CTNNA2: variants seen among roughly 807,000 people sequenced by gnomAD.
CTNNA2 encodes the protein catenin alpha-2.
A neutral mutation model predicts 101.0 loss-of-function variants in CTNNA2; 42 were observed. That is an observed-to-expected ratio of 0.42 (90% confidence interval 0.32 to 0.54). The LOEUF is 0.54. CTNNA2 is among the 20% of genes least tolerant of loss of function. The pLI is 0.14. For synonymous variants in CTNNA2, 450 were observed against 456.4 expected (o/e 0.99, Z 0.18); for missense variants, 871 against 1,223.1 (o/e 0.71, Z 4.29).
chr2:79,216,909 C>T (rs1392579148), intron 2 of CTNNA2, among the ~76,000 whole-genome samples: 5 of 152,102 alleles, frequency 3.3e-5, no homozygotes, highest in Admixed American at 6.5e-5. Flanking sequence ...ACCTCTGAAA[C>T]GTGGGTAAAT....
At chr2:79,463,144 G>T (rs147436192) in intron 4 of CTNNA2, among the ~76,000 whole-genome samples, 1 of 152,314 alleles carries the variant, frequency 6.6e-6, no homozygotes, top group African/African-American at 2.4e-5. Flanking sequence ...GGGCGCAGTG[G>T]CTCATGCCTG....
intron 3 of CTNNA2, among the ~76,000 whole-genome samples, chr2:79,824,200 T>TA (rs1362369577): frequency 6.6e-6 from 1 of 152,176 alleles, no homozygotes; most frequent in Non-Finnish European, 1.5e-5. Flanking sequence ...TTGATGGTGA[T>TA]AAAAGTTGTT....
chr2:80,591,483 A>G lies in CTNNA2; in HGVS notation c.2189+1998A>G, dbSNP rs369470745. Among the ~76,000 whole-genome samples, 475 of 57,850 alleles carry G rather than the reference A, an allele frequency of 8.2e-3. 8 individuals carry two copies. Among genetic ancestry groups the G allele is most frequent in the African/African-American group, 0.024 (439 of 17,926 alleles). 38.0% of individuals were successfully genotyped at this position (57,850 alleles called of 152,430 possible). Reference sequence around the variant, plus strand: ...TTTTTTTTTTTTTTTTTTTTTGCAAACAGACAGCTGACTAGTGCCTTTCTT... The same window carrying G: ...TTTTTTTTTTTTTTTTTTTTTGCAAGCAGACAGCTGACTAGTGCCTTTCTT... On this transcript the variant is annotated intron_variant, in intron 15 of 18. Transcript: ENST00000402739.
intron 9 of CTNNA2, among the ~76,000 whole-genome samples, chr2:80,431,199 C>T (rs563248150): frequency 6.6e-4 from 100 of 152,250 alleles, no homozygotes; most frequent in Non-Finnish European, 1.3e-3. Flanking sequence ...TTTCAGGTTT[C>T]TTTGACTCCG....
intron 2 of CTNNA2, among the ~76,000 whole-genome samples, chr2:79,242,354 T>G (rs1674638091): frequency 6.6e-6 from 1 of 152,198 alleles, no homozygotes; most frequent in African/African-American, 2.4e-5. Flanking sequence ...AATACTAATT[T>G]TTTTGTTTGT....
intron 4 of CTNNA2, among the ~76,000 whole-genome samples, chr2:79,436,325 T>C (rs1377390220): frequency 1.3e-5 from 2 of 152,170 alleles, no homozygotes; most frequent in African/African-American, 4.8e-5. Context: ...AGACAATAGA[T>C]GGAGCAGGTA....
chr2:80,452,498 G>A lies in CTNNA2; in HGVS notation c.1290+32897G>A, dbSNP rs1411946273. Among the ~76,000 whole-genome samples the A allele has an allele frequency of 2.0e-5, 3 of 151,486 alleles. 1 individual carries two copies. The highest frequency in any genetic ancestry group is 7.4e-5 in the African/African-American group (3 of 40,800). On this transcript the variant is annotated intron_variant, in intron 9 of 18. Coordinates refer to ENST00000402739, the MANE Select transcript of CTNNA2 (RefSeq NM_001282597.3). ...TTCCTAAATCAGTCAGGTCTCATGG[G>A]GCTGATTGCCAAAATGGGAGAGGTC...
At chr2:80,179,823 C>T (rs540542686) in intron 7 of CTNNA2, among the ~76,000 whole-genome samples, 6 of 152,278 alleles carry the variant, frequency 3.9e-5, no homozygotes, top group East Asian at 1.9e-4. Context: ...CCATACTAGC[C>T]GTCATCTTAC....
At chr2:79,289,545 A>C (rs115027739) in intron 2 of CTNNA2, among the ~76,000 whole-genome samples, 4,576 of 152,102 alleles carry the variant, frequency 0.03, 106 homozygotes, top group Middle Eastern at 0.054. Flanking sequence ...GTGTTGGTCG[A>C]GACCAGCCTG....
chr2:79,912,118 AG>A (rs1403858427), intron 7 of CTNNA2, among the ~76,000 whole-genome samples: 1 of 152,230 alleles, frequency 6.6e-6, no homozygotes, highest in African/African-American at 2.4e-5. Context: ...CTAATGTGCT[AG>A]GCAGTACCAT....
chr2:80,474,624 A>T (rs1243087538), intron 9 of CTNNA2, among the ~76,000 whole-genome samples: 2 of 152,170 alleles, frequency 1.3e-5, no homozygotes, highest in African/African-American at 4.8e-5. Flanking sequence ...AAGTCTTTTT[A>T]TTATCTAGAT....
chr2:79,288,326 A>G (rs915131432), intron 2 of CTNNA2, among the ~76,000 whole-genome samples: 2 of 152,206 alleles, frequency 1.3e-5, no homozygotes, highest in African/African-American at 2.4e-5. Flanking sequence ...TGAGTTATCC[A>G]TCTCTGCATA....
chr2:79,472,609 G>GT (rs1671011778), intron 4 of CTNNA2, among the ~76,000 whole-genome samples: 1 of 152,144 alleles, frequency 6.6e-6, no homozygotes. Flanking sequence ...CAAATTAGCA[G>GT]TTTTTCTGCA....
chr2:79,188,313 CT>C (rs67058391), intron 1 of CTNNA2, among the ~76,000 whole-genome samples: 32,083 of 151,936 alleles, frequency 0.21, 4,251 homozygotes, highest in African/African-American at 0.38. Context: ...AATCTTTTTC[CT>C]AAATTGGTCG....
intron 7 of CTNNA2, among the ~76,000 whole-genome samples, chr2:80,335,226 C>T (rs1671671566): frequency 6.6e-6 from 1 of 152,182 alleles, no homozygotes; most frequent in Admixed American, 6.5e-5. Context: ...AGGGTCTTAA[C>T]AATGTGATGT....
At chr2:80,030,665 G>C (rs1003527542) in intron 7 of CTNNA2, 1 of 152,112 alleles carries the variant, frequency 6.6e-6, no homozygotes, top group East Asian at 1.9e-4. Context: ...TGAAGATGGC[G>C]ATCTTTGATT....
At chr2:80,246,223 C>A (rs1277771657) in intron 7 of CTNNA2, among the ~76,000 whole-genome samples, 1 of 152,102 alleles carries the variant, frequency 6.6e-6, no homozygotes, top group Non-Finnish European at 1.5e-5. Flanking sequence ...ATTTCAAGAC[C>A]CAGTTTGTGA....
chr2:80,313,315 A>T (rs1239648525), intron 7 of CTNNA2: 1 of 1,121,956 alleles, frequency 8.9e-7, no homozygotes, highest in African/African-American at 1.6e-5. Flanking sequence ...TATTTAACAT[A>T]CGTGTTTGCT....
chr2:80,073,463 A>G (rs1698476668), intron 7 of CTNNA2, among the ~76,000 whole-genome samples: 1 of 152,288 alleles, frequency 6.6e-6, no homozygotes, highest in East Asian at 1.9e-4. Flanking sequence ...GCAGCTTGAG[A>G]TCTTTACACC....
Sources: allele counts gnomAD v4.1 joint callset (sites outside exome capture counted in the v4.1 genomes callset), GRCh38; gene constraint gnomAD v4.1.1; transcripts MANE v1.5; gene names NCBI Gene and HGNC (gene_info 2026-07-23, HGNC 2026-07-21).